IGF2: variants seen among roughly 807,000 people sequenced by gnomAD.
IGF2 encodes the protein insulin-like growth factor 2.
A neutral mutation model predicts 12.0 loss-of-function variants in IGF2; 2 were observed. The ratio of observed to expected loss-of-function variants is 0.17; its 90% CI spans 0.07 to 0.52. The LOEUF is 0.52. IGF2 is among the 20% of genes least tolerant of loss of function. The pLI, the probability that IGF2 is intolerant of heterozygous loss-of-function variation, is 0.95. For missense variants in IGF2, 211 were observed against 268.0 expected, an observed-to-expected ratio of 0.79 and a Z score of 1.48; for synonymous variants, 105 against 110.1, an observed-to-expected ratio of 0.95 and a Z score of 0.29.
chr11:2,142,117 T>G (rs1859634959), upstream of IGF2, among the ~76,000 whole-genome samples: 1 of 151,984 alleles, frequency 6.6e-6, no homozygotes, highest in Non-Finnish European at 1.5e-5. This position sits in a 1 kb window ranked among gnomAD's most constrained non-coding sequence, Gnocchi z 5.7. Context: ...GGACATTTTT[T>G]AGTGTGCTTT....
Position 2,133,334 on chromosome 11 carries a change from AT to A in IGF2, c.307-112del, listed in dbSNP as rs1303429674. 2.0e-6 allele frequency: 2 copies of A among 1,010,962 alleles called. No individual in the cohort carries two copies. Among genetic ancestry groups the A allele is most frequent in the Admixed American group, 5.8e-5 (2 of 34,438 alleles). 62.6% of individuals were successfully genotyped at this position (1,010,962 alleles called of 1,614,324 possible). A position where few individuals can be genotyped will look rare whatever the true frequency, so the allele number is the denominator to read the frequency against. ...TGTGACTGATCAGTGACTTGAGCTA[AT>A]GTCCACGGGCAGAGGGACAGAAGGA... On this transcript the variant is annotated intron_variant, in intron 3 of 3. Coordinates refer to ENST00000416167, the MANE Select transcript of IGF2 (RefSeq NM_000612.6). The surrounding 1 kb of genome is among the most constrained non-coding windows in gnomAD (Gnocchi z 8.9).
chr11:2,131,131 C>G lies in IGF2; in HGVS notation c.*1856G>C. On this transcript the variant is annotated 3_prime_UTR_variant, in exon 4 of 4. Transcript: ENST00000416167. ...GGGGACAGGCGCCAAGGAGGCCAGC[C>G]TCACAAGGGCATCTCTGTCATGGTG... is the stretch of plus-strand genomic sequence containing the variant. 4.3e-6 allele frequency: 1 copy of G among 233,224 alleles called. No individual in the cohort carries two copies. The highest frequency in any genetic ancestry group is 8.5e-6 in the Non-Finnish European group (1 of 118,030). 14.4% of individuals were successfully genotyped at this position (233,224 alleles called of 1,614,324 possible).
rs1456093987 is a variant in IGF2, at chr11:2,132,614, T to A, written c.*373A>T. ...TTTAAAGCCAATTTCTGAGCTTTTG[T>A]GGGGTGTTTCTAAAAAGCCAATTAG... On this transcript the variant is annotated 3_prime_UTR_variant, in exon 4 of 4. Coordinates refer to ENST00000416167, the MANE Select transcript of IGF2 (RefSeq NM_000612.6). 1.8e-5 allele frequency: 3 copies of A among 168,576 alleles called. No homozygotes were observed. The highest frequency in any genetic ancestry group is 3.4e-5 in the Non-Finnish European group (3 of 87,836). 10.4% of individuals were successfully genotyped at this position (168,576 alleles called of 1,614,324 possible).
chr11:2,134,875 C>T (rs1001964091), intron 2 of IGF2, among the ~76,000 whole-genome samples: 4 of 152,212 alleles, frequency 2.6e-5, no homozygotes, highest in African/African-American at 4.8e-5. Context: ...GCGCATGCAC[C>T]GCTCACCCCT....
the IGF2 span, chr11:2,147,771 C>T: frequency 8.0e-7 from 1 of 1,248,878 alleles, no homozygotes; most frequent in Non-Finnish European, 1.0e-6. The surrounding 1 kb of genome is among the most constrained non-coding windows in gnomAD (Gnocchi z 7.2). Context: ...TGGAATCCAC[C>T]TCCTCCCACA....
Position 2,133,209 on chromosome 11 carries a change from T to A in IGF2, c.321A>T (p.Arg107Ser). The change falls in exon 4 of 4, where the codon AGA becomes AGT. Residue 107 changes from arginine (R) to serine (S), a missense_variant. Transcript: ENST00000416167. This position sits in a 1 kb window ranked among gnomAD's most constrained non-coding sequence, Gnocchi z 8.9. ...ATTGGAAGAACTTGCCCACGGGGTA[T>A]CTGGGGAAGTTGTCCTGGGAGGGGA... is the stretch of plus-strand genomic sequence containing the variant. Reference protein sequence around the residue: ...PPTVLPDNFPRYPVGKFFQYD... With the variant: ...PPTVLPDNFPSYPVGKFFQYD... 1 of 1,551,572 alleles carries A rather than the reference T, an allele frequency of 6.4e-7. No individual in the cohort carries two copies. Among genetic ancestry groups the A allele is most frequent in the Non-Finnish European group, 8.7e-7 (1 of 1,146,940 alleles).
the IGF2 span, chr11:2,149,210 T>C: frequency 1.2e-6 from 2 of 1,613,310 alleles, no homozygotes; most frequent in East Asian, 4.5e-5. Context: ...CAAGGCTCTC[T>C]GCCGAAACTG....
chr11:2,140,089 G>A, upstream of IGF2: 2 of 1,588,592 alleles, frequency 1.3e-6, no homozygotes, highest in Admixed American at 1.7e-5. Flanking sequence ...GGCTCCGGCC[G>A]CCAGAGGAGA....
At chr11:2,138,104 G>T (rs988557160) in intron 1 of IGF2, 125 bp downstream of exon 1, 11 of 483,252 alleles carry the variant, frequency 2.3e-5, no homozygotes, top group African/African-American at 4.3e-5. Flanking sequence ...TCCCCCCCGG[G>T]CTCAGCCGCC....
At chr11:2,140,233 C>T (rs745770033), upstream of IGF2, 32 of 1,613,190 alleles carry the variant, frequency 2.0e-5, no homozygotes, top group South Asian at 3.3e-4. Flanking sequence ...GTGCGTTGGA[C>T]TTGCATAGAC....
rs1346433131 is a variant in IGF2, at chr11:2,129,370, T to C, written c.*3617A>G. 4 of 225,976 alleles carry C rather than the reference T, an allele frequency of 1.8e-5. No individual in the cohort carries two copies. Among genetic ancestry groups the C allele is most frequent in the African/African-American group, 9.0e-5 (4 of 44,686 alleles). 14.0% of individuals were successfully genotyped at this position (225,976 alleles called of 1,614,324 possible). Reference sequence around the variant, plus strand: ...TTGGGGACACGGGGAGGAGACAAGATGGAGAGCCACGACTAGGCACGGAGG... The same window carrying C: ...TTGGGGACACGGGGAGGAGACAAGACGGAGAGCCACGACTAGGCACGGAGG... On this transcript the variant is annotated 3_prime_UTR_variant, in exon 4 of 4. Coordinates refer to ENST00000416167, the MANE Select transcript of IGF2 (RefSeq NM_000612.6). This position sits in a 1 kb window ranked among gnomAD's most constrained non-coding sequence, Gnocchi z 8.1.
At chr11:2,136,949 T>C (rs3213216) in intron 1 of IGF2, among the ~76,000 whole-genome samples, 103,614 of 152,024 alleles carry the variant, frequency 0.68, 36,089 homozygotes, top group African/African-American at 0.84. Flanking sequence ...CCAGGAAAAG[T>C]CCTGAGCTGG....
At chr11:2,147,814 A>T in the IGF2 span, 3 of 1,245,946 alleles carry the variant, frequency 2.4e-6, no homozygotes, top group Non-Finnish European at 3.0e-6. This position sits in a 1 kb window ranked among gnomAD's most constrained non-coding sequence, Gnocchi z 7.2. Context: ...GCCCCTGGGG[A>T]AAAACAAAAA....
In IGF2 at chr11:2,138,703, AG is replaced by A. The variant is rs1250171739; in HGVS notation, c.-482del. The A allele has an allele frequency of 1.2e-3, 266 of 217,284 alleles. 1 individual carries two copies. The highest frequency in any genetic ancestry group is 5.4e-3 in the African/African-American group (77 of 14,296). The allele number at this position is 217,284 out of a possible 1,614,324, so 13.5% of individuals were successfully genotyped here. On this transcript the variant is annotated 5_prime_UTR_variant, in exon 1 of 4. Transcript: ENST00000416167. ...CGGCGAAGGCGAGAGGGCGGGCGTG[AG>A]GGGGGGAGGGAGTCGGAGGCTAGGA... is the stretch of plus-strand genomic sequence containing the variant.
chr11:2,140,279 G>A, upstream of IGF2: 1 of 1,612,526 alleles, frequency 6.2e-7, no homozygotes, highest in East Asian at 2.2e-5. Flanking sequence ...CGATAATTTG[G>A]GGGTCTGGGG....
intron 1 of IGF2, chr11:2,137,218 GGAGGAGGAGGAGGAA>G (rs1420869897): frequency 7.6e-6 from 7 of 921,086 alleles, no homozygotes; most frequent in African/African-American, 5.4e-5. Context: ...CGCTGGGGCA[GGAGGAGGAGGAGGAA>G]GAGGAGGAGG....
At chr11:2,144,019 C>G (rs913163060), upstream of IGF2, among the ~76,000 whole-genome samples, 1 of 152,132 alleles carries the variant, frequency 6.6e-6, no homozygotes, top group Admixed American at 6.5e-5. Flanking sequence ...TAGCGCGGAG[C>G]GCCCTGGCGC....
the IGF2 span, chr11:2,149,462 T>A: frequency 2.3e-6 from 2 of 863,436 alleles, no homozygotes; most frequent in Non-Finnish European, 3.6e-6. Context: ...ATGATGGGTT[T>A]ACCCCTCACC....
chr11:2,142,482 T>C (rs925513492), upstream of IGF2, among the ~76,000 whole-genome samples: 1 of 152,148 alleles, frequency 6.6e-6, no homozygotes, highest in Non-Finnish European at 1.5e-5. The surrounding 1 kb of genome is among the most constrained non-coding windows in gnomAD (Gnocchi z 5.7). Flanking sequence ...TGCTTAACTT[T>C]GAGATGACTC....
Sources: allele counts gnomAD v4.1 joint callset (sites outside exome capture counted in the v4.1 genomes callset), GRCh38; gene constraint gnomAD v4.1.1; non-coding constraint Gnocchi (gnomAD v3.1); transcripts MANE v1.5; gene names NCBI Gene and HGNC (gene_info 2026-07-23, HGNC 2026-07-21).